The following PDE8A variants were observed in gnomAD, a reference collection of about 807,000 sequenced individuals.
PDE8A encodes the protein phosphodiesterase 8A.
PDE8A carries 59 observed loss-of-function variants against 105.0 expected under a neutral mutation model. The observed-to-expected ratio is 0.56, with a 90% CI of 0.46 to 0.70. The LOEUF is 0.70. Ranked by LOEUF, PDE8A falls within the 30% of genes least tolerant of loss-of-function variation. The probability of loss-of-function intolerance (pLI) is 0.00; values close to 1 mark genes in which losing one functional copy is unlikely to be tolerated. For missense variants in PDE8A, 1,014 were observed against 1,045.9 expected (o/e 0.97, Z 0.42); for synonymous variants, 355 against 371.9 (o/e 0.95, Z 0.52).
At chr15:85,133,696 G>A (rs2082361796) in intron 20 of PDE8A, among the ~76,000 whole-genome samples, 1 of 152,142 alleles carries the variant, frequency 6.6e-6, no homozygotes, top group Non-Finnish European at 1.5e-5. Flanking sequence ...CCGGTGCTCA[G>A]GCTTTGATTT....
chr15:85,059,116 A>G (rs373600690), intron 1 of PDE8A, among the ~76,000 whole-genome samples: 2 of 152,118 alleles, frequency 1.3e-5, no homozygotes, highest in African/African-American at 2.4e-5. Context: ...TTTCTAATTT[A>G]TCTTGTGTAT....
intron 1 of PDE8A, among the ~76,000 whole-genome samples, chr15:85,042,768 A>G (rs2141399533): frequency 6.6e-6 from 1 of 152,312 alleles, no homozygotes; most frequent in East Asian, 1.9e-4. Context: ...CGGGTACTGC[A>G]CAGAGTGCTT....
At chr15:85,080,564 AG>A (rs989776997) in intron 5 of PDE8A, among the ~76,000 whole-genome samples, 3 of 152,106 alleles carry the variant, frequency 2.0e-5, no homozygotes, top group Admixed American at 6.5e-5. Flanking sequence ...TGTTTGTTTG[AG>A]GTCTCTTTGA....
At chr15:85,015,855 G>A (rs761833964) in intron 1 of PDE8A, among the ~76,000 whole-genome samples, 36 of 151,758 alleles carry the variant, frequency 2.4e-4, no homozygotes, top group Non-Finnish European at 5.1e-4. Flanking sequence ...ATGACTTGTC[G>A]GCTGGGCGTG....
intron 14 of PDE8A, 159 bp from the exon 15 acceptor site, chr15:85,115,280 G>A (rs1002279663): frequency 1.0e-5 from 6 of 582,890 alleles, no homozygotes; most frequent in Non-Finnish European, 1.5e-5. Context: ...TGAGGTCAGT[G>A]GTCAATCACA....
chr15:85,014,164 G>A (rs937883736), intron 1 of PDE8A, among the ~76,000 whole-genome samples: 8 of 151,190 alleles, frequency 5.3e-5, no homozygotes, highest in Non-Finnish European at 8.8e-5. Flanking sequence ...TTAAAGTCAG[G>A]GTCTTGCTCT....
chr15:85,002,519 T>C (rs1438493557), intron 1 of PDE8A, among the ~76,000 whole-genome samples: 1 of 152,216 alleles, frequency 6.6e-6, no homozygotes, highest in African/African-American at 2.4e-5. Context: ...AACACATCTT[T>C]CTGGATTTTT....
chr15:85,104,730 G>C (rs928568024), intron 11 of PDE8A, among the ~76,000 whole-genome samples: 1 of 152,188 alleles, frequency 6.6e-6, no homozygotes, highest in Admixed American at 6.5e-5. Flanking sequence ...TGGATAGTAA[G>C]TTTAGATTTG....
chr15:85,112,118 A>G (rs1030436990), intron 12 of PDE8A, among the ~76,000 whole-genome samples: 4 of 152,078 alleles, frequency 2.6e-5, no homozygotes, highest in African/African-American at 9.7e-5. Flanking sequence ...AGTCATGACA[A>G]TCTTTATACT....
intron 5 of PDE8A, among the ~76,000 whole-genome samples, chr15:85,081,898 C>T (rs1406624098): frequency 2.0e-5 from 3 of 152,044 alleles, no homozygotes; most frequent in East Asian, 1.9e-4. Flanking sequence ...AGTCTGATTG[C>T]ATGCATGGGA....
intron 1 of PDE8A, among the ~76,000 whole-genome samples, chr15:85,031,609 C>A (rs532249997): frequency 6.6e-6 from 1 of 152,264 alleles, no homozygotes; most frequent in South Asian, 2.1e-4. Flanking sequence ...TCAGTCCACA[C>A]CCCTGCTTCC....
At chr15:85,079,208 A>G (rs1333553613) in intron 5 of PDE8A, among the ~76,000 whole-genome samples, 1 of 152,206 alleles carries the variant, frequency 6.6e-6, no homozygotes, top group Non-Finnish European at 1.5e-5. Context: ...GAAGGGACAT[A>G]CTCAAAGAGG....
intron 1 of PDE8A, among the ~76,000 whole-genome samples, chr15:85,024,079 A>G (rs1445026297): frequency 6.6e-6 from 1 of 151,848 alleles, no homozygotes; most frequent in Non-Finnish European, 1.5e-5. Flanking sequence ...TCCCTTGCCT[A>G]CCTTCTCTAC....
intron 1 of PDE8A, among the ~76,000 whole-genome samples, chr15:85,030,831 AT>A (rs2080603260): frequency 6.6e-6 from 1 of 152,098 alleles, no homozygotes; most frequent in Non-Finnish European, 1.5e-5. Flanking sequence ...AACTTTTGTG[AT>A]TTTTCCCTTG....
chr15:85,006,964 C>G (rs1338639416), intron 1 of PDE8A, among the ~76,000 whole-genome samples: 1 of 152,168 alleles, frequency 6.6e-6, no homozygotes, highest in Non-Finnish European at 1.5e-5. Context: ...CACTTGGTGT[C>G]CAGCTGTGGT....
At chr15:84,999,854 A>G (rs758473928) in intron 1 of PDE8A, among the ~76,000 whole-genome samples, 1 of 152,066 alleles carries the variant, frequency 6.6e-6, no homozygotes, top group Non-Finnish European at 1.5e-5. Flanking sequence ...GATTACAGGC[A>G]TGAGCTACTG....
chr15:85,096,294 G>T (rs1379161753), intron 8 of PDE8A, among the ~76,000 whole-genome samples: 1 of 151,728 alleles, frequency 6.6e-6, no homozygotes, highest in Non-Finnish European at 1.5e-5. Flanking sequence ...GTCACCCATT[G>T]AAAGTATACT....
At chr15:84,992,614 T>G (rs2079903838) in intron 1 of PDE8A, among the ~76,000 whole-genome samples, 1 of 152,106 alleles carries the variant, frequency 6.6e-6, no homozygotes, top group African/African-American at 2.4e-5. Context: ...CAGGACCTAT[T>G]GCAGTGGTTC....
At chr15:85,101,946 T>C (rs1313125634) in intron 11 of PDE8A, among the ~76,000 whole-genome samples, 1 of 152,238 alleles carries the variant, frequency 6.6e-6, no homozygotes, top group Non-Finnish European at 1.5e-5. Context: ...CCATTTATTC[T>C]ACAGATTTCT....
Sources: allele counts gnomAD v4.1 joint callset (sites outside exome capture counted in the v4.1 genomes callset), GRCh38; gene constraint gnomAD v4.1.1; transcripts MANE v1.5; gene names NCBI Gene and HGNC (gene_info 2026-07-23, HGNC 2026-07-21).